The following AMMECR1 variants were observed in gnomAD, a reference collection of about 807,000 sequenced individuals.
AMMECR1 encodes the protein AMMECR nuclear protein 1.
In AMMECR1, 3 loss-of-function variants were observed where a neutral mutation model predicts 22.5. The observed-to-expected ratio is 0.13, with a 90% CI of 0.06 to 0.35. The LOEUF (loss-of-function observed/expected upper bound fraction) is 0.35. AMMECR1 is among the 10% of genes least tolerant of loss of function. The pLI, the probability that AMMECR1 is intolerant of heterozygous loss-of-function variation, is 1.00. For missense variants in AMMECR1, 235 were observed against 278.7 expected (o/e 0.84, Z 1.12); for synonymous variants, 130 against 116.7 (o/e 1.11, Z -0.74).
At chrX:110,303,763 T>C (rs1025141550) in intron 1 of AMMECR1, among the ~76,000 whole-genome samples, 25 of 112,588 alleles carry the variant, frequency 2.2e-4, no homozygotes, top group African/African-American at 7.7e-4. Context: ...ACTGACTACA[T>C]AGAGAACACT....
intron 2 of AMMECR1, among the ~76,000 whole-genome samples, chrX:110,250,990 G>A (rs779019193): frequency 1.1e-4 from 12 of 112,078 alleles, no homozygotes; most frequent in South Asian, 3.7e-4. Flanking sequence ...GTGGCCTTAA[G>A]CCACCCTTTG....
At chrX:110,252,810 C>T (rs1281592479) in intron 2 of AMMECR1, among the ~76,000 whole-genome samples, 1 of 112,405 alleles carries the variant, frequency 8.9e-6, no homozygotes, top group Non-Finnish European at 1.9e-5. Flanking sequence ...TTTACATTCG[C>T]ATTAAGAAAG....
chrX:110,372,823 A>T (rs1415934414), intron 2 of AMMECR1, among the ~76,000 whole-genome samples: 2 of 111,449 alleles, frequency 1.8e-5, no homozygotes, highest in East Asian at 5.6e-4. Context: ...ACATTTCACC[A>T]CTCACAGGAA....
intron 2 of AMMECR1, among the ~76,000 whole-genome samples, chrX:110,338,610 T>C (rs1446295503): frequency 1.8e-5 from 2 of 111,818 alleles, no homozygotes; most frequent in Non-Finnish European, 3.8e-5. Flanking sequence ...GCCCGTAACA[T>C]CAGTATTCAA....
At chrX:110,374,353 T>A (rs1271451872) in intron 2 of AMMECR1, among the ~76,000 whole-genome samples, 2 of 112,250 alleles carry the variant, frequency 1.8e-5, no homozygotes, top group African/African-American at 6.5e-5. Flanking sequence ...ATGAATATGT[T>A]TTAAATGCAT....
At chrX:110,295,887 C>T (rs1420354166) in intron 1 of AMMECR1, among the ~76,000 whole-genome samples, 3 of 111,732 alleles carry the variant, frequency 2.7e-5, no homozygotes, top group Non-Finnish European at 5.7e-5. Context: ...ATATGAAATA[C>T]GCCCATCAAC....
intron 1 of AMMECR1, among the ~76,000 whole-genome samples, chrX:110,295,108 C>A (rs181252212): frequency 1.7e-3 from 185 of 110,536 alleles, no homozygotes; most frequent in African/African-American, 5.6e-3. Flanking sequence ...TTTAGAGACT[C>A]CACCTGAGCT....
chrX:110,312,229 A>G (rs988585841), intron 1 of AMMECR1, among the ~76,000 whole-genome samples: 2 of 112,740 alleles, frequency 1.8e-5, no homozygotes, highest in Non-Finnish European at 3.7e-5. Context: ...AATGCAATTC[A>G]CTTCAAAAAT....
At chrX:110,235,281 A>G (rs995474507) in intron 2 of AMMECR1, among the ~76,000 whole-genome samples, 6 of 112,469 alleles carry the variant, frequency 5.3e-5, no homozygotes, top group Non-Finnish European at 1.1e-4. Flanking sequence ...CCACAATGAG[A>G]TACCATCTTA....
chrX:110,335,502 G>A (rs994556165), intron 2 of AMMECR1, among the ~76,000 whole-genome samples: 8 of 111,745 alleles, frequency 7.2e-5, no homozygotes, highest in Non-Finnish European at 1.5e-4. Flanking sequence ...TGGGATAAAT[G>A]AATCAAACTA....
chrX:110,213,746 C>T (rs1208933366), intron 3 of AMMECR1, among the ~76,000 whole-genome samples: 2 of 111,653 alleles, frequency 1.8e-5, no homozygotes, highest in Non-Finnish European at 3.8e-5. Flanking sequence ...AATACTATTA[C>T]TCCATTTTCA....
At chrX:110,322,758 A>C (rs1238860528), upstream of AMMECR1, among the ~76,000 whole-genome samples, 1 of 111,731 alleles carries the variant, frequency 9.0e-6, no homozygotes, top group African/African-American at 3.3e-5. Flanking sequence ...ATTTTGCCTC[A>C]CTCTATTCAC....
At chrX:110,340,580 C>G (rs1440884258) in intron 2 of AMMECR1, among the ~76,000 whole-genome samples, 1 of 111,620 alleles carries the variant, frequency 9.0e-6, no homozygotes, top group African/African-American at 3.3e-5. Context: ...CTAGTGTGAC[C>G]ATGAACAAAT....
chrX:110,260,029 G>C (rs2067731901), intron 2 of AMMECR1, among the ~76,000 whole-genome samples: 1 of 111,683 alleles, frequency 9.0e-6, no homozygotes, highest in African/African-American at 3.3e-5. Context: ...CACAATACTG[G>C]AAATTATCTC....
Position 110,194,254 on chromosome X carries a change from ATCTT to A in AMMECR1, c.*4262_*4265del, listed in dbSNP as rs1288778359. ...ACAATAGTGTCAAAACTACTACAAT[ATCTT>A]TCCACAGCCATACCTTACAGACCCA... On this transcript the variant is annotated 3_prime_UTR_variant, in exon 6 of 6. Coordinates refer to ENST00000262844, the MANE Select transcript of AMMECR1 (RefSeq NM_015365.3). The A allele has an allele frequency of 1.8e-5, 2 of 112,255 alleles. No individual in the cohort carries two copies. The highest frequency in any genetic ancestry group is 6.5e-5 in the African/African-American group (2 of 30,863). The allele number at this position is 112,255 out of a possible 1,213,427, so 9.3% of individuals were successfully genotyped here. A position where few individuals can be genotyped will look rare whatever the true frequency, so the allele number is the denominator to read the frequency against.
intron 2 of AMMECR1, among the ~76,000 whole-genome samples, chrX:110,377,875 A>G (rs1420430774): frequency 1.9e-5 from 2 of 107,931 alleles, no homozygotes; most frequent in Non-Finnish European, 1.9e-5. Flanking sequence ...CGGGCGTGGT[A>G]GCGGGCCCCT....
chrX:110,433,206 A>G (rs1382668155), intron 1 of AMMECR1, among the ~76,000 whole-genome samples: 1 of 112,668 alleles, frequency 8.9e-6, no homozygotes, highest in Non-Finnish European at 1.9e-5. Context: ...TAGTTGATTG[A>G]GTACCTGCTA....
At chrX:110,238,729 C>G (rs768189060) in intron 2 of AMMECR1, among the ~76,000 whole-genome samples, 125 of 112,439 alleles carry the variant, frequency 1.1e-3, no homozygotes, top group African/African-American at 4.0e-3. Flanking sequence ...AAGTGGGTCC[C>G]TGACCCCCGT....
chrX:110,266,115 T>G, intron 1 of AMMECR1, among the ~76,000 whole-genome samples: 1 of 110,422 alleles, frequency 9.1e-6, no homozygotes, highest in Non-Finnish European at 1.9e-5. Flanking sequence ...AGCCAGTTTT[T>G]TTTTTTTTTT....
Sources: gnomAD v4.1 joint callset for allele counts (sites outside exome capture counted in the v4.1 genomes callset) on GRCh38, gnomAD v4.1.1 for gene constraint, MANE v1.5 for transcripts, NCBI Gene and HGNC (gene_info 2026-07-23, HGNC 2026-07-21) for gene names.